DPYD: variants seen among roughly 807,000 people sequenced by gnomAD.
DPYD encodes dihydropyrimidine dehydrogenase [NADP(+)].
In DPYD, 109 loss-of-function variants were observed where a neutral mutation model predicts 116.2. That is an observed-to-expected ratio of 0.94 (90% CI 0.80 to 1.10). The LOEUF is 1.10. DPYD is among the 50% of genes least tolerant of loss of function. The probability of loss-of-function intolerance (pLI) is 0.00; values close to 1 mark genes in which losing one functional copy is unlikely to be tolerated. For missense variants in DPYD, 1,302 were observed against 1,254.5 expected (o/e 1.04, Z -0.57); for synonymous variants, 440 against 432.0 (o/e 1.02, Z -0.23).
intron 8 of DPYD, among the ~76,000 whole-genome samples, chr1:97,618,353 A>T (rs1656419584): frequency 6.6e-6 from 1 of 151,348 alleles, no homozygotes; most frequent in Non-Finnish European, 1.5e-5. Context: ...TAGACATGTA[A>T]TTATTCTGTC....
chr1:97,129,173 C>T (rs944223921), intron 20 of DPYD, among the ~76,000 whole-genome samples: 2 of 151,672 alleles, frequency 1.3e-5, no homozygotes, highest in African/African-American at 4.9e-5. Flanking sequence ...AAGAGATTCT[C>T]CTGCCTCAGC....
intron 3 of DPYD, among the ~76,000 whole-genome samples, chr1:97,801,144 T>C (rs187825087): frequency 1.9e-4 from 28 of 150,592 alleles, no homozygotes; most frequent in Admixed American, 4.7e-4. Flanking sequence ...GGAGCCAACA[T>C]GAATAGGATT....
intron 8 of DPYD, among the ~76,000 whole-genome samples, chr1:97,632,171 G>C (rs570220554): frequency 6.6e-6 from 1 of 152,006 alleles, no homozygotes; most frequent in South Asian, 2.1e-4. Flanking sequence ...TTACCAGCCC[G>C]TCATCTGGGC....
At chr1:97,829,626 T>C (rs139653187) in intron 2 of DPYD, among the ~76,000 whole-genome samples, 9 of 152,274 alleles carry the variant, frequency 5.9e-5, no homozygotes, top group African/African-American at 1.9e-4. Context: ...TTTCTCAAAG[T>C]TATAAATGTT....
chr1:97,391,809 CA>C (rs1354986643), intron 14 of DPYD, among the ~76,000 whole-genome samples: 3 of 151,998 alleles, frequency 2.0e-5, no homozygotes. Flanking sequence ...ATAGGCTATA[CA>C]AGACCATAGT....
chr1:97,206,348 T>C (rs1049630312), intron 19 of DPYD, among the ~76,000 whole-genome samples: 1 of 152,006 alleles, frequency 6.6e-6, no homozygotes, highest in African/African-American at 2.4e-5. Context: ...AGGTTACTTA[T>C]TATGTTTTAA....
intron 16 of DPYD, among the ~76,000 whole-genome samples, chr1:97,323,554 T>C (rs1299664748): frequency 8.9e-6 from 1 of 112,168 alleles, no homozygotes; most frequent in African/African-American, 3.3e-5. Context: ...TATATACATA[T>C]ATGTGTATAT....
chr1:97,276,676 C>CAAAAAAAAAAAA (rs36074078), intron 18 of DPYD, among the ~76,000 whole-genome samples: 1 of 116,634 alleles, frequency 8.6e-6, no homozygotes, highest in African/African-American at 3.0e-5. Flanking sequence ...GACTCTGTCT[C>CAAAAAAAAAAAA]AAAAAAAAAA....
intron 6 of DPYD, among the ~76,000 whole-genome samples, chr1:97,698,610 A>G (rs1661425502): frequency 6.6e-6 from 1 of 151,912 alleles, no homozygotes; most frequent in Non-Finnish European, 1.5e-5. Context: ...TTTGTAATCC[A>G]TGATTTTTTT....
chr1:97,535,462 T>A (rs1322629682), intron 12 of DPYD, among the ~76,000 whole-genome samples: 2 of 152,122 alleles, frequency 1.3e-5, no homozygotes, highest in Non-Finnish European at 1.5e-5. Context: ...TCCATCAACA[T>A]GAACTAAGGT....
Position 97,783,627 on chromosome 1 carries a change from G to A in DPYD, c.234-43148C>T, listed in dbSNP as rs989176789. ...GCTGGTCTTGAACTTCTGACTTCAG[G>A]TGACCCACCTGTCTTGGCCTCCCAA... On this transcript the variant is annotated intron_variant, in intron 3 of 22. Transcript: ENST00000370192. 8.5e-5 allele frequency among the ~76,000 whole-genome samples: 13 copies of A among 152,072 alleles called. No homozygotes were observed. In the South Asian group the frequency reaches 2.5e-3, roughly 29 times the overall value.
At chr1:97,382,515 C>G (rs571185079) in intron 14 of DPYD, 54 bp from the exon 15 acceptor site, 2 of 1,022,898 alleles carry the variant, frequency 2.0e-6, no homozygotes, top group Admixed American at 2.3e-5. Flanking sequence ...CAGTTGTACA[C>G]AAAGATATAT....
chr1:97,671,932 C>A (rs996547292), intron 8 of DPYD, among the ~76,000 whole-genome samples: 2 of 148,456 alleles, frequency 1.3e-5, no homozygotes, highest in Non-Finnish European at 3.0e-5. Flanking sequence ...TATTTATTTA[C>A]GTATTTATCT....
chr1:97,484,948 G>A (rs945484043), intron 13 of DPYD, among the ~76,000 whole-genome samples: 1 of 152,074 alleles, frequency 6.6e-6, no homozygotes, highest in African/African-American at 2.4e-5. Context: ...CTGTCTTTAT[G>A]TCAAGGAATT....
At chr1:97,373,852 T>A (rs1038833539) in intron 15 of DPYD, among the ~76,000 whole-genome samples, 1 of 152,156 alleles carries the variant, frequency 6.6e-6, no homozygotes, top group African/African-American at 2.4e-5. Flanking sequence ...CACCAAATAT[T>A]TACTCAGTGC....
intron 18 of DPYD, among the ~76,000 whole-genome samples, chr1:97,297,148 A>G (rs1322386070): frequency 6.6e-6 from 1 of 152,182 alleles, no homozygotes; most frequent in Non-Finnish European, 1.5e-5. Flanking sequence ...TCTTCAGTAC[A>G]CTTTCCAATC....
intron 5 of DPYD, among the ~76,000 whole-genome samples, chr1:97,705,141 T>A (rs911287259): frequency 1.3e-5 from 2 of 151,608 alleles, no homozygotes. Context: ...CTTTTTTTTT[T>A]TAAATTATAC....
intron 4 of DPYD, among the ~76,000 whole-genome samples, chr1:97,722,984 G>T (rs1242725446): frequency 6.6e-6 from 1 of 151,254 alleles, no homozygotes; most frequent in African/African-American, 2.4e-5. Flanking sequence ...CAGAATAAAA[G>T]ACTTTTAAAA....
At chr1:97,690,987 T>C (rs1422160998) in intron 7 of DPYD, among the ~76,000 whole-genome samples, 1 of 152,180 alleles carries the variant, frequency 6.6e-6, no homozygotes, top group Non-Finnish European at 1.5e-5. Context: ...CTTCTGCATA[T>C]ACTTACAGCA....
Sources: allele counts gnomAD v4.1 joint callset (sites outside exome capture counted in the v4.1 genomes callset), GRCh38; gene constraint gnomAD v4.1.1; transcripts MANE v1.5; gene names NCBI Gene and HGNC (gene_info 2026-07-23, HGNC 2026-07-21).